CLEC2B: variants seen among roughly 807,000 people sequenced by gnomAD.
The protein encoded by CLEC2B is C-type lectin domain family 2 member B, also known as C-type (calcium dependent, carbohydrate-recognition domain) lectin, superfamily member 2 (activation-induced).
A neutral mutation model predicts 16.2 loss-of-function variants in CLEC2B; 14 were observed. The ratio of observed to expected loss-of-function variants is 0.86; its 90% confidence interval spans 0.57 to 1.35. CLEC2B has a LOEUF of 1.35. Among genes scored for constraint, CLEC2B ranks in the 40% most tolerant of loss-of-function variants. The pLI, the probability that CLEC2B is intolerant of heterozygous loss-of-function variation, is 0.00. For synonymous variants in CLEC2B, 42 were observed against 55.8 expected, an observed-to-expected ratio of 0.75 and a Z score of 1.10; for missense variants, 166 against 182.3, an observed-to-expected ratio of 0.91 and a Z score of 0.52.
At chr12:9,861,827 T>C (rs1867935065) in intron 2 of CLEC2B, among the ~76,000 whole-genome samples, 1 of 152,140 alleles carries the variant, frequency 6.6e-6, no homozygotes, top group Admixed American at 6.5e-5. Context: ...TTTTGTGACA[T>C]ATAAAATTTT....
intron 4 of CLEC2B, 33 bp downstream of exon 4, chr12:9,854,348 A>C: frequency 6.8e-7 from 1 of 1,463,126 alleles, no homozygotes. Flanking sequence ...GCACTATCTA[A>C]ATTTAAGTGA....
At chr12:9,862,885 C>T (rs1301436677) in intron 1 of CLEC2B, among the ~76,000 whole-genome samples, 1 of 152,130 alleles carries the variant, frequency 6.6e-6, no homozygotes, top group Non-Finnish European at 1.5e-5. Flanking sequence ...AAAGTGAGAT[C>T]AAGATGGATA....
intron 1 of CLEC2B, among the ~76,000 whole-genome samples, chr12:9,868,703 G>C (rs1867990594): frequency 1.3e-5 from 2 of 151,954 alleles, no homozygotes; most frequent in Non-Finnish European, 2.9e-5. Context: ...CCTTCTTAGG[G>C]TTGGTAAAGA....
intron 1 of CLEC2B, 50 bp from the exon 2 acceptor site, chr12:9,862,623 T>A (rs375903604): frequency 1.5e-4 from 203 of 1,347,916 alleles, no homozygotes; most frequent in Non-Finnish European, 1.8e-4. Flanking sequence ...TCCAAAATGA[T>A]GGCATAAAAG....
rs1476544077 is a variant in CLEC2B at position 9,861,939 on chromosome 12, A to G, written c.73+560T>C. 2.6e-5 allele frequency among the ~76,000 whole-genome samples: 4 copies of G among 152,094 alleles called. No individual in the cohort carries two copies. In the East Asian group the frequency reaches 5.8e-4, roughly 22 times the overall value. Reference sequence around the variant, plus strand: ...TTTCTATGAAAAATTAAGTAGTTGCAGCAGAGACTGTATGGCTAACAAAGC... The same window carrying G: ...TTTCTATGAAAAATTAAGTAGTTGCGGCAGAGACTGTATGGCTAACAAAGC... On this transcript the variant is annotated intron_variant, in intron 2 of 4. Transcript: ENST00000228438.
chr12:9,862,408 T>G (rs988714393), intron 2 of CLEC2B, 91 bp downstream of exon 2: 1,522 of 1,104,890 alleles, frequency 1.4e-3, no homozygotes, highest in Non-Finnish European at 1.7e-3. Flanking sequence ...GGGAAGATAA[T>G]GAGATACTGA....
Position 9,853,055 on chromosome 12 carries a change from A to AG in CLEC2B, c.*244_*245insC. ...ACAATTGTTTTCTGGTTTACAGTTA[A>AG]AAAAAGAAAGAAAGAAAGAAAGAAA... is the stretch of plus-strand genomic sequence containing the variant. On this transcript the variant is annotated 3_prime_UTR_variant, in exon 5 of 5. Transcript: ENST00000228438. The AG allele has an allele frequency of 2.9e-6, 1 of 346,922 alleles. No homozygotes were observed. Among genetic ancestry groups the AG allele is most frequent in the East Asian group, 5.5e-5 (1 of 18,282 alleles). The allele number at this position is 346,922 out of a possible 1,614,324, so 21.5% of individuals were successfully genotyped here.
intron 4 of CLEC2B, among the ~76,000 whole-genome samples, chr12:9,853,900 G>C (rs775945793): frequency 2.6e-5 from 4 of 152,154 alleles, no homozygotes; most frequent in African/African-American, 9.7e-5. Context: ...AAGTGACTGA[G>C]AGTCACCATT....
At chr12:9,861,651 T>G (rs1335716725) in intron 2 of CLEC2B, among the ~76,000 whole-genome samples, 1 of 152,066 alleles carries the variant, frequency 6.6e-6, no homozygotes, top group Non-Finnish European at 1.5e-5. Flanking sequence ...GATCCAAATG[T>G]TCATCAAAAG....
intron 1 of CLEC2B, among the ~76,000 whole-genome samples, chr12:9,863,602 GA>G (rs1234514889): frequency 2.6e-5 from 4 of 152,098 alleles, no homozygotes; most frequent in Non-Finnish European, 4.4e-5. Flanking sequence ...CAAAGGGATT[GA>G]AATAATTTTT....
intron 2 of CLEC2B, among the ~76,000 whole-genome samples, chr12:9,859,264 G>T (rs2136978759): frequency 6.6e-6 from 1 of 151,832 alleles, no homozygotes; most frequent in African/African-American, 2.4e-5. Context: ...AAAGTAGAAA[G>T]ACACAATTTA....
chr12:9,857,681 A>G (rs1041032971), intron 2 of CLEC2B, 44 bp from the exon 3 acceptor site: 9 of 1,432,364 alleles, frequency 6.3e-6, no homozygotes, highest in Non-Finnish European at 7.8e-6. Context: ...ATATAGAATA[A>G]TATGCTACTG....
intron 3 of CLEC2B, 155 bp downstream of exon 3, chr12:9,857,319 G>A: frequency 1.6e-6 from 1 of 613,518 alleles, no homozygotes. Flanking sequence ...ATCACTAGGT[G>A]TTTCACCTTT....
intron 1 of CLEC2B, among the ~76,000 whole-genome samples, chr12:9,867,646 C>T (rs771558487): frequency 3.0e-4 from 46 of 152,080 alleles, no homozygotes; most frequent in Non-Finnish European, 4.3e-4. Context: ...AAGCTGATAT[C>T]GAAACATGAA....
At chr12:9,863,600 T>C (rs1209205166) in intron 1 of CLEC2B, among the ~76,000 whole-genome samples, 1 of 152,158 alleles carries the variant, frequency 6.6e-6, no homozygotes, top group African/African-American at 2.4e-5. Context: ...AACAAAGGGA[T>C]TGAAATAATT....
chr12:9,857,458 A>T lies in CLEC2B; in HGVS notation c.237+16T>A, dbSNP rs372744777. The stretch of plus-strand genomic sequence containing the variant: ...ACTCAAGAAAATTCACAAAGAATGT[A>T]TATTAAATTACTTACCATTTCTTCT... On this transcript the variant is annotated intron_variant, in intron 3 of 4. Coordinates refer to ENST00000228438, the MANE Select transcript of CLEC2B (RefSeq NM_005127.3). 2 of 1,573,590 alleles carry T rather than the reference A, an allele frequency of 1.3e-6. No individual in the cohort carries two copies. Among genetic ancestry groups the T allele is most frequent in the Non-Finnish European group, 1.7e-6 (2 of 1,146,344 alleles).
At chr12:9,858,875 A>T (rs1219480067) in intron 2 of CLEC2B, among the ~76,000 whole-genome samples, 1 of 152,056 alleles carries the variant, frequency 6.6e-6, no homozygotes, top group African/African-American at 2.4e-5. Flanking sequence ...TACAAATAGA[A>T]TAATTCTGGT....
Position 9,860,463 on chromosome 12 carries a change from T to G in CLEC2B, c.73+2036A>C, listed in dbSNP as rs924481046. Among the ~76,000 whole-genome samples the G allele has an allele frequency of 9.9e-5, 15 of 151,808 alleles. No individual in the cohort carries two copies. In the East Asian group the frequency reaches 1.7e-3, roughly 18 times the overall value. The stretch of plus-strand genomic sequence containing the variant: ...AGTCTTTAAAAAATTCTTAAAAGGA[T>G]GTGTGTGAAATCTATTCTGAAAACT... On this transcript the variant is annotated intron_variant, in intron 2 of 4. Coordinates refer to ENST00000228438, the MANE Select transcript of CLEC2B (RefSeq NM_005127.3).
At chr12:9,856,597 C>T (rs1025997467) in intron 3 of CLEC2B, among the ~76,000 whole-genome samples, 4 of 152,070 alleles carry the variant, frequency 2.6e-5, no homozygotes. Flanking sequence ...ACTTTGTTCA[C>T]CACACGGGTA....
Sources: gnomAD v4.1 joint callset for allele counts (sites outside exome capture counted in the v4.1 genomes callset) on GRCh38, gnomAD v4.1.1 for gene constraint, MANE v1.5 for transcripts, NCBI Gene and HGNC (gene_info 2026-07-23, HGNC 2026-07-21) for gene names.